Variants in PCDHA10 observed in about 807,000 individuals in gnomAD.
The protein encoded by PCDHA10 is protocadherin alpha 10.
In PCDHA10, 45 loss-of-function variants were observed where a neutral mutation model predicts 61.2. The observed-to-expected ratio is 0.74, with a 90% CI of 0.58 to 0.94. The LOEUF (loss-of-function observed/expected upper bound fraction) is 0.94. Ranked by LOEUF, PCDHA10 falls within the 40% of genes least tolerant of loss-of-function variation. The probability of loss-of-function intolerance (pLI) is 0.00; values close to 1 mark genes in which losing one functional copy is unlikely to be tolerated. For missense variants in PCDHA10, 1,278 were observed against 1,236.2 expected, an observed-to-expected ratio of 1.03 and a Z score of -0.51; for synonymous variants, 602 against 548.8, an observed-to-expected ratio of 1.10 and a Z score of -1.35.
chr5:140,988,381 T>C (rs1554250091), intron 3 of PCDHA10, among the ~76,000 whole-genome samples: 3 of 152,158 alleles, frequency 2.0e-5, no homozygotes, highest in Admixed American at 6.5e-5. Flanking sequence ...GTGAAACTCA[T>C]TGTGTTTGCC....
intron 1 of PCDHA10, chr5:140,882,617 T>TA: frequency 6.2e-7 from 1 of 1,614,218 alleles, no homozygotes; most frequent in Non-Finnish European, 8.5e-7. Context: ...TCTGCAGGTT[T>TA]TCCATGTGGA....
intron 1 of PCDHA10, chr5:140,859,407 TA>T (rs1351466050): frequency 4.1e-6 from 1 of 244,528 alleles, no homozygotes; most frequent in African/African-American, 2.3e-5. Context: ...AGGGTTGGGT[TA>T]GATGATATAG....
rs1554206642 is a variant in PCDHA10, at chr5:140,929,061, G to C, written c.2389-49888G>C. The C allele has an allele frequency of 3.1e-6, 5 of 1,614,196 alleles. No individual in the cohort carries two copies. In the South Asian group the frequency reaches 5.5e-5, roughly 18 times the overall value. On this transcript the variant is annotated intron_variant, in intron 1 of 3. Transcript: ENST00000307360. Reference sequence around the variant, plus strand: ...CTCAGAGCTGCTGTCGCTCTACAGAGGATCTGAGGTATGGAAGTAAGATGG... The same window carrying C: ...CTCAGAGCTGCTGTCGCTCTACAGACGATCTGAGGTATGGAAGTAAGATGG...
Position 141,010,284 on chromosome 5 carries a change from A to G in PCDHA10, c.*347A>G. 6.4e-7 allele frequency: 1 copy of G among 1,551,156 alleles called. No homozygotes were observed. Among genetic ancestry groups the G allele is most frequent in the Non-Finnish European group, 8.7e-7 (1 of 1,146,860 alleles). On this transcript the variant is annotated 3_prime_UTR_variant, in exon 4 of 4. Coordinates refer to ENST00000307360, the MANE Select transcript of PCDHA10 (RefSeq NM_018901.4). ...GCTCCGGGGATCCTGTCTTGATGACACTTGCAGGGCAGGCTGAAAAGTTTT... is the reference window on the plus strand; with the variant it reads ...GCTCCGGGGATCCTGTCTTGATGACGCTTGCAGGGCAGGCTGAAAAGTTTT...
intron 1 of PCDHA10, among the ~76,000 whole-genome samples, chr5:140,894,320 G>T (rs191376863): frequency 1.1e-3 from 163 of 152,016 alleles, no homozygotes; most frequent in Non-Finnish European, 1.7e-3. Flanking sequence ...TTAAATTATA[G>T]ATTTTAGTAT....
rs1450871721 is a variant in PCDHA10, at chr5:140,999,541, C to T, written c.2537-10086C>T. 3.3e-5 allele frequency among the ~76,000 whole-genome samples: 5 copies of T among 152,150 alleles called. No individual in the cohort carries two copies. The East Asian group carries it at 9.7e-4, about 29-fold the overall frequency. On this transcript the variant is annotated intron_variant, in intron 3 of 3. Coordinates refer to ENST00000307360, the MANE Select transcript of PCDHA10 (RefSeq NM_018901.4). ...TTTGTTACCCCCTGGATATGACAGC[C>T]AATGAAGAGGGGGTATTTTGAGAAG...
At position 140,857,253 on chromosome 5, in the gene PCDHA10, A is replaced by G. The variant is rs1554149722; in HGVS notation, c.1205A>G (p.Asn402Ser). 1.3e-6 allele frequency: 2 copies of G among 1,598,432 alleles called. No individual in the cohort carries two copies. Among genetic ancestry groups the G allele is most frequent in the Admixed American group, 3.4e-5 (2 of 59,300 alleles). The part of the protein sequence containing the change: ...VPFKLVSTYK[N>S]YYSLVLDSAL... ...TTCAAGCTGGTGTCCACCTACAAGAATTACTACTCATTGGTGCTGGACAGC... is the reference window on the plus strand; with the variant it reads ...TTCAAGCTGGTGTCCACCTACAAGAGTTACTACTCATTGGTGCTGGACAGC... Residue 402 changes from asparagine (N) to serine (S), a missense_variant, in exon 1 of 4, where the codon AAT (asparagine) becomes AGT (serine). Physicochemically the swap from Asn to Ser is conservative, Grantham distance 46. Coordinates refer to ENST00000307360, the MANE Select transcript of PCDHA10 (RefSeq NM_018901.4).
At chr5:140,924,096 T>A (rs1044149112) in intron 1 of PCDHA10, among the ~76,000 whole-genome samples, 1 of 152,222 alleles carries the variant, frequency 6.6e-6, no homozygotes, top group Non-Finnish European at 1.5e-5. Flanking sequence ...AAAGAATAAA[T>A]TTTCATTCCA....
At chr5:141,005,985 T>C (rs2098249971) in intron 3 of PCDHA10, among the ~76,000 whole-genome samples, 1 of 151,848 alleles carries the variant, frequency 6.6e-6, no homozygotes, top group Non-Finnish European at 1.5e-5. Context: ...AAAGAGTGTT[T>C]GAGGATCTGA....
At chr5:140,993,830 A>G (rs536970854) in intron 3 of PCDHA10, among the ~76,000 whole-genome samples, 44 of 152,326 alleles carry the variant, frequency 2.9e-4, no homozygotes, top group Non-Finnish European at 5.0e-4. Context: ...GCTATACCAT[A>G]TAGCCTAGGT....
chr5:140,876,031 G>C, intron 1 of PCDHA10: 2 of 1,613,702 alleles, frequency 1.2e-6, no homozygotes, highest in Non-Finnish European at 1.7e-6. Flanking sequence ...AACAAAAAAA[G>C]ATAAAAGTAT....
intron 1 of PCDHA10, among the ~76,000 whole-genome samples, chr5:140,950,382 A>G (rs1424724989): frequency 3.3e-5 from 5 of 151,950 alleles, no homozygotes; most frequent in African/African-American, 7.2e-5. Context: ...CTTCCATTTG[A>G]ATGATATAGA....
intron 1 of PCDHA10, chr5:140,968,812 T>C (rs782711806): frequency 6.2e-7 from 1 of 1,614,064 alleles, no homozygotes; most frequent in Non-Finnish European, 8.5e-7. Context: ...CTGTGGTGGA[T>C]AGGGTTTCCA....
At chr5:140,877,080 C>T in intron 1 of PCDHA10, 2 of 1,613,062 alleles carry the variant, frequency 1.2e-6, no homozygotes, top group East Asian at 2.2e-5. Context: ...TCCAGGTGAG[C>T]GCGCGCGACG....
Position 141,010,120 on chromosome 5 carries a change from C to T in PCDHA10, c.*183C>T, listed in dbSNP as rs1554262685. 6.2e-7 allele frequency: 1 copy of T among 1,607,404 alleles called. No homozygotes were observed. Among genetic ancestry groups the T allele is most frequent in the Admixed American group, 1.7e-5 (1 of 58,482 alleles). ...AACAGGTTTTGTCGTAAAAGCTTTACTAAGTCTGGTGTTAACTCTTTCTCT... is the reference window on the plus strand; with the variant it reads ...AACAGGTTTTGTCGTAAAAGCTTTATTAAGTCTGGTGTTAACTCTTTCTCT... On this transcript the variant is annotated 3_prime_UTR_variant, in exon 4 of 4. Coordinates refer to ENST00000307360, the MANE Select transcript of PCDHA10 (RefSeq NM_018901.4).
At chr5:141,007,325 C>G (rs1303133451) in intron 3 of PCDHA10, among the ~76,000 whole-genome samples, 2 of 145,322 alleles carry the variant, frequency 1.4e-5, no homozygotes, top group Non-Finnish European at 3.0e-5. Flanking sequence ...CTAAAGTGGA[C>G]AGATTGCCTG....
At position 140,871,409 on chromosome 5, in the gene PCDHA10, T is replaced by C. The variant is rs2053060094; in HGVS notation, c.2388+12973T>C. The C allele has an allele frequency of 1.2e-6, 2 of 1,613,974 alleles. No homozygotes were observed. Among genetic ancestry groups the C allele is most frequent in the African/African-American group, 1.3e-5 (1 of 74,954 alleles). On this transcript the variant is annotated intron_variant, in intron 1 of 3. Coordinates refer to ENST00000307360, the MANE Select transcript of PCDHA10 (RefSeq NM_018901.4). ...GAGGGCCCACCTAAGACGGACCTCATGGCCTTCAGCCCCAGTCTTCCTCTA... is the reference window on the plus strand; with the variant it reads ...GAGGGCCCACCTAAGACGGACCTCACGGCCTTCAGCCCCAGTCTTCCTCTA...
chr5:140,884,239 C>T, intron 1 of PCDHA10: 1 of 1,613,424 alleles, frequency 6.2e-7, no homozygotes, highest in Non-Finnish European at 8.5e-7. Context: ...ACGGTGAGCC[C>T]GCGCTGACGG....
chr5:140,898,035 TG>T (rs1376690690), intron 1 of PCDHA10, among the ~76,000 whole-genome samples: 1 of 152,120 alleles, frequency 6.6e-6, no homozygotes, highest in Non-Finnish European at 1.5e-5. Flanking sequence ...TTGATGGGGT[TG>T]TTTGTTTTTT....
Sources: gnomAD v4.1 joint callset for allele counts (sites outside exome capture counted in the v4.1 genomes callset) on GRCh38, gnomAD v4.1.1 for gene constraint, MANE v1.5 for transcripts, NCBI Gene and HGNC (gene_info 2026-07-23, HGNC 2026-07-21) for gene names.